The following MAPK8IP3 variants were observed in gnomAD, a reference collection of about 807,000 sequenced individuals.
The protein encoded by MAPK8IP3 is C-Jun-amino-terminal kinase-interacting protein 3.
MAPK8IP3 carries 49 observed loss-of-function variants against 157.8 expected under a neutral mutation model. The ratio of observed to expected loss-of-function variants is 0.31; its 90% confidence interval spans 0.25 to 0.39. The LOEUF is 0.39. Among genes scored for constraint, MAPK8IP3 ranks in the 10% least tolerant of loss-of-function variants. MAPK8IP3 has a pLI of 1.00. For synonymous variants in MAPK8IP3, 897 were observed against 777.7 expected, an observed-to-expected ratio of 1.15 and a Z score of -2.55; for missense variants, 1,478 against 1,889.4, an observed-to-expected ratio of 0.78 and a Z score of 4.04.
intron 14 of MAPK8IP3, 78 bp from the exon 15 acceptor site, chr16:1,762,597 C>T: frequency 6.5e-7 from 1 of 1,549,436 alleles, no homozygotes; most frequent in Non-Finnish European, 8.7e-7. Flanking sequence ...CTGGGTGCTT[C>T]CTGGCGGGAG....
In MAPK8IP3 at chr16:1,747,224, A is replaced by T; in HGVS notation, c.943A>T (p.Ser315Cys). 6.2e-7 allele frequency: 1 copy of T among 1,613,846 alleles called. No homozygotes were observed. The highest frequency in any genetic ancestry group is 2.2e-5 in the East Asian group (1 of 44,880). ...CAAGCGTGCCCGGGAGAAGCGCGACAGCCGCAACATGGAAGTACAGGTCAC... is the reference window on the plus strand; with the variant it reads ...CAAGCGTGCCCGGGAGAAGCGCGACTGCCGCAACATGGAAGTACAGGTCAC... ...NSKRAREKRD[S>C]RNMEVQVTQE... Residue 315 changes from serine (S) to cysteine (C), a missense_variant, in exon 6 of 32, where the codon AGC becomes TGC. Ser to Cys is a moderately radical substitution (Grantham distance 112). Around this residue, in one of 11 missense-constraint regions of MAPK8IP3, gnomAD observed 315 missense variants for 394.4 expected, o/e 0.80. Coordinates refer to ENST00000610761, the MANE Select transcript of MAPK8IP3 (RefSeq NM_001318852.2).
chr16:1,762,325 G>A, intron 13 of MAPK8IP3, 26 bp from the exon 14 acceptor site: 1 of 1,553,174 alleles, frequency 6.4e-7, no homozygotes. Context: ...AGGGCTGGCT[G>A]AGCCTCTGTG....
chr16:1,748,278 A>G lies in MAPK8IP3; in HGVS notation c.1029A>G (p.Gln343=), dbSNP rs745959203. The part of the protein sequence containing the change: ...MGSSDEWSDV[Q]DIIDSTPELD... ...GCAGTGACGAGTGGTCTGATGTTCA[A>G]GACATTATTGACTCCACGCCAGAGC... The change falls in exon 7 of 32, where the codon CAA becomes CAG. Residue 343 remains glutamine (Q), a synonymous_variant. Transcript: ENST00000610761. The G allele has an allele frequency of 1.2e-6, 2 of 1,613,984 alleles. No homozygotes were observed. The highest frequency in any genetic ancestry group is 3.3e-5 in the Admixed American group (2 of 60,022).
chr16:1,755,577 G>A (rs1354004183), intron 8 of MAPK8IP3, among the ~76,000 whole-genome samples: 2 of 152,094 alleles, frequency 1.3e-5, no homozygotes, highest in Admixed American at 6.5e-5. Context: ...GGCCGGGTGC[G>A]GTGGCTCATG....
At chr16:1,720,638 TTC>T (rs1567142533) in intron 1 of MAPK8IP3, among the ~76,000 whole-genome samples, 1 of 152,244 alleles carries the variant, frequency 6.6e-6, no homozygotes, top group Non-Finnish European at 1.5e-5. Flanking sequence ...TTAAAATTTT[TTC>T]TGTTTTTACC....
chr16:1,733,699 G>A (rs985120113), intron 4 of MAPK8IP3, among the ~76,000 whole-genome samples: 1 of 152,220 alleles, frequency 6.6e-6, no homozygotes, highest in Non-Finnish European at 1.5e-5. Flanking sequence ...CCTCGTCCTT[G>A]TCAGGGCCCC....
intron 4 of MAPK8IP3, among the ~76,000 whole-genome samples, chr16:1,730,840 CAAA>C (rs72481919): frequency 1.4e-4 from 8 of 56,198 alleles, no homozygotes; most frequent in Non-Finnish European, 2.3e-4. Context: ...GAGACTCTGT[CAAA>C]AAAAAAAAAA....
chr16:1,755,928 A>AT (rs1567193226), intron 8 of MAPK8IP3, among the ~76,000 whole-genome samples: 2 of 152,174 alleles, frequency 1.3e-5, no homozygotes, highest in East Asian at 1.9e-4. Flanking sequence ...AATTTCGGAA[A>AT]TAATAAAGAA....
intron 4 of MAPK8IP3, among the ~76,000 whole-genome samples, chr16:1,735,547 G>A (rs535731730): frequency 3.1e-4 from 42 of 136,492 alleles, no homozygotes; most frequent in African/African-American, 1.1e-3. Context: ...GTGAGCGTCC[G>A]TGTGAGAGTG....
Position 1,737,788 on chromosome 16 carries a change from G to A in MAPK8IP3, c.603-5544G>A, listed in dbSNP as rs1455384727. Among the ~76,000 whole-genome samples the A allele has an allele frequency of 3.3e-5, 3 of 89,660 alleles. 1 individual carries two copies. The highest frequency in any genetic ancestry group is 6.2e-5 in the Non-Finnish European group (3 of 48,256). 58.8% of individuals were successfully genotyped at this position (89,660 alleles called of 152,430 possible). On this transcript the variant is annotated intron_variant, in intron 4 of 31. Coordinates refer to ENST00000610761, the MANE Select transcript of MAPK8IP3 (RefSeq NM_001318852.2). ...ACCATCCGTGTGAGTGACCATCCAT[G>A]TGAGCATCCATGTGACCGTCCGTGT... is the stretch of plus-strand genomic sequence containing the variant.
chr16:1,741,196 C>T lies in MAPK8IP3; in HGVS notation c.603-2136C>T, dbSNP rs911038267. Among the ~76,000 whole-genome samples, 10 of 152,170 alleles carry T rather than the reference C, an allele frequency of 6.6e-5. No individual in the cohort carries two copies. Among genetic ancestry groups the T allele is most frequent in the Admixed American group, 6.5e-4 (10 of 15,284 alleles). ...AGGGCAGCGTGACCCCCGAGGGTGG[C>T]GTGACCCCTGGGGGTGGTGGTCTCT... On this transcript the variant is annotated intron_variant, in intron 4 of 31. Transcript: ENST00000610761. The surrounding 1 kb of genome is among the most constrained non-coding windows in gnomAD (Gnocchi z 6.9).
chr16:1,762,699 C>G lies in MAPK8IP3; in HGVS notation c.1695C>G (p.Val565=). 1 of 1,569,850 alleles carries G rather than the reference C, an allele frequency of 6.4e-7. No homozygotes were observed. Among genetic ancestry groups the G allele is most frequent in the Non-Finnish European group, 8.6e-7 (1 of 1,156,098 alleles). ...GAGCGTCCCGAGAGCACCCATCCGTCCAGGAGAAGAAGAAGTCGACCATCT... is the reference window on the plus strand; with the variant it reads ...GAGCGTCCCGAGAGCACCCATCCGTGCAGGAGAAGAAGAAGTCGACCATCT... ...MIRASREHPS[V]QEKKKSTIWQ... The change falls in exon 15 of 32, where the codon GTC becomes GTG. Residue 565 remains valine, a synonymous_variant. Coordinates refer to ENST00000610761, the MANE Select transcript of MAPK8IP3 (RefSeq NM_001318852.2).
chr16:1,746,896 G>A (rs1178594761), intron 5 of MAPK8IP3, 133 bp from the exon 6 acceptor site: 2 of 1,133,298 alleles, frequency 1.8e-6, no homozygotes, highest in Admixed American at 2.6e-5. Flanking sequence ...CGGCAGAGGA[G>A]CTCTGGCCCG....
chr16:1,767,224 T>C lies in MAPK8IP3; in HGVS notation c.3164T>C (p.Val1055Ala), dbSNP rs748606664. The stretch of plus-strand genomic sequence containing the variant: ...CACCACTCCATCCGCTGCATGGCTG[T>C]TGTGTACGACCGCGTGTGGTGTGGC... ...HPHHSIRCMA[V>A]VYDRVWCGYK... Residue 1055 changes from valine to alanine, a missense_variant, in exon 26 of 32, where the codon GTT (valine) becomes GCT (alanine). Val to Ala is a moderately conservative substitution (Grantham distance 64, BLOSUM62 0). Around this residue, in one of 11 missense-constraint regions of MAPK8IP3, gnomAD observed 669 missense variants for 759.8 expected, o/e 0.88. Coordinates refer to ENST00000610761, the MANE Select transcript of MAPK8IP3 (RefSeq NM_001318852.2). The C allele has an allele frequency of 3.7e-6, 6 of 1,613,424 alleles. No homozygotes were observed. In the Admixed American group the frequency reaches 1.0e-4, roughly 27 times the overall value.
chr16:1,710,616 C>T lies in MAPK8IP3; in HGVS notation c.318+3959C>T, dbSNP rs1034188460. On this transcript the variant is annotated intron_variant, in intron 1 of 31. Coordinates refer to ENST00000610761, the MANE Select transcript of MAPK8IP3 (RefSeq NM_001318852.2). The surrounding 1 kb of genome is among the most constrained non-coding windows in gnomAD (Gnocchi z 4.1). Reference sequence around the variant, plus strand: ...CTGCCATTTTTCCTTCTTTTTTTCTCCTCTGCGCCAGACGATCTGCAGGAA... The same window carrying T: ...CTGCCATTTTTCCTTCTTTTTTTCTTCTCTGCGCCAGACGATCTGCAGGAA... 1.3e-5 allele frequency among the ~76,000 whole-genome samples: 2 copies of T among 152,136 alleles called. No homozygotes were observed. Among genetic ancestry groups the T allele is most frequent in the Non-Finnish European group, 2.9e-5 (2 of 68,024 alleles).
rs750062335 is a variant in MAPK8IP3, at chr16:1,729,582, C to T, written c.602+4C>T. On this transcript the variant is annotated splice_donor_region_variant and intron_variant, in intron 4 of 31. Coordinates refer to ENST00000610761, the MANE Select transcript of MAPK8IP3 (RefSeq NM_001318852.2). ...AGAGCAGCCTGCCGGGGCGGAGGTA[C>T]GCGGGGCGCGGCGGGGTGGAGGTAC... 15 of 1,586,950 alleles carry T rather than the reference C, an allele frequency of 9.5e-6. No individual in the cohort carries two copies. In the Admixed American group the frequency reaches 2.5e-4, roughly 26 times the overall value.
chr16:1,764,490 C>T, intron 19 of MAPK8IP3, 31 bp downstream of exon 19: 1 of 1,601,382 alleles, frequency 6.2e-7, no homozygotes, highest in Admixed American at 1.7e-5. Context: ...CGGGCACCCT[C>T]CCTGGCTTAG....
In MAPK8IP3 at chr16:1,748,513, G is replaced by A. The variant is rs866161929; in HGVS notation, c.1098-89G>A. On this transcript the variant is annotated intron_variant, in intron 7 of 31. Transcript: ENST00000610761. The stretch of plus-strand genomic sequence containing the variant: ...GGCAGTGTGGGCATTGAATGGCCAC[G>A]GTGGGAGGTGTTGGAAGAGTCTGCA... The A allele has an allele frequency of 3.2e-5, 39 of 1,210,690 alleles. No homozygotes were observed. In the Middle Eastern group the frequency reaches 3.8e-3, roughly 118 times the overall value. 75.0% of individuals were successfully genotyped at this position (1,210,690 alleles called of 1,614,324 possible).
intron 1 of MAPK8IP3, among the ~76,000 whole-genome samples, chr16:1,722,942 C>T (rs1235116834): frequency 1.3e-5 from 2 of 152,104 alleles, no homozygotes; most frequent in Non-Finnish European, 2.9e-5. Context: ...ACCTCGTGAT[C>T]CGCCTGCCTC....
Sources: gnomAD v4.1 joint callset for allele counts (sites outside exome capture counted in the v4.1 genomes callset) on GRCh38, gnomAD v4.1.1 for gene constraint, gnomAD v4.1.1 regional missense constraint, Gnocchi (gnomAD v3.1) non-coding constraint, MANE v1.5 for transcripts, NCBI Gene and HGNC (gene_info 2026-07-23, HGNC 2026-07-21) for gene names.